The following XIRP2 variants were observed in gnomAD, a reference collection of about 807,000 sequenced individuals.
The protein encoded by XIRP2 is xin actin-binding repeat-containing protein 2.
Under a neutral mutation model 277.0 loss-of-function variants are expected in XIRP2, and 236 were observed. That is an observed-to-expected ratio of 0.85 (90% CI 0.77 to 0.95). The LOEUF (loss-of-function observed/expected upper bound fraction) is 0.95, where lower values mean the gene tolerates loss of function less well. Among genes scored for constraint, XIRP2 ranks in the 40% least tolerant of loss-of-function variants. The pLI is 0.00. For synonymous variants in XIRP2, 1,490 were observed against 1,416.5 expected (o/e 1.05, Z -1.17); for missense variants, 4,640 against 4,157.5 (o/e 1.12, Z -3.19).
At chr2:167,234,326 T>C (rs1694841267) in intron 5 of XIRP2, among the ~76,000 whole-genome samples, 1 of 151,278 alleles carries the variant, frequency 6.6e-6, no homozygotes. Context: ...ATTCATGCTT[T>C]GGTATATATT....
chr2:166,911,246 C>T (rs541557908), intron 2 of XIRP2, among the ~76,000 whole-genome samples: 1 of 152,132 alleles, frequency 6.6e-6, no homozygotes, highest in South Asian at 2.1e-4. Context: ...GTGTGGGAGT[C>T]TAAGTCTCTT....
chr2:167,183,674 A>G (rs763195500), intron 3 of XIRP2, among the ~76,000 whole-genome samples: 4 of 151,834 alleles, frequency 2.6e-5, no homozygotes, highest in Admixed American at 2.6e-4. Context: ...ATTTTCTTAA[A>G]TATATCAATT....
chr2:167,044,175 C>T (rs887986657), intron 2 of XIRP2, among the ~76,000 whole-genome samples: 18 of 152,058 alleles, frequency 1.2e-4, no homozygotes, highest in Admixed American at 7.9e-4. Flanking sequence ...AGCAAAACCA[C>T]ATGATCATCT....
intron 2 of XIRP2, among the ~76,000 whole-genome samples, chr2:167,003,419 AAAG>A (rs1156571623): frequency 6.6e-6 from 1 of 151,916 alleles, no homozygotes; most frequent in Non-Finnish European, 1.5e-5. Flanking sequence ...AGAAACCTTC[AAAG>A]AAGAGAAGAT....
chr2:167,020,115 A>T (rs1345351164), intron 2 of XIRP2, among the ~76,000 whole-genome samples: 1 of 152,056 alleles, frequency 6.6e-6, no homozygotes, highest in Non-Finnish European at 1.5e-5. Context: ...CATTTGTTTC[A>T]ATCCAAATAT....
chr2:167,003,043 A>G lies in XIRP2; in HGVS notation c.408+99153A>G, dbSNP rs1687412804. 2.0e-5 allele frequency among the ~76,000 whole-genome samples: 3 copies of G among 151,794 alleles called. No homozygotes were observed. In the South Asian group the frequency reaches 6.2e-4, roughly 31 times the overall value. Reference sequence around the variant, plus strand: ...TCTCTTATTGAACAATTTATAAAATACACAGGTTTGAAGTAGAAATACCAA... The same window carrying G: ...TCTCTTATTGAACAATTTATAAAATGCACAGGTTTGAAGTAGAAATACCAA... On this transcript the variant is annotated intron_variant, in intron 2 of 10. Transcript: ENST00000409195.
At chr2:167,145,260 A>G (rs947977830) in intron 3 of XIRP2, among the ~76,000 whole-genome samples, 2 of 152,110 alleles carry the variant, frequency 1.3e-5, no homozygotes, top group African/African-American at 4.8e-5. Context: ...GTAAATTCCC[A>G]TCTTTTTGTA....
intron 2 of XIRP2, among the ~76,000 whole-genome samples, chr2:167,024,064 G>T (rs1240029516): frequency 6.6e-6 from 1 of 152,022 alleles, no homozygotes; most frequent in Non-Finnish European, 1.5e-5. Flanking sequence ...CCATTTTCAT[G>T]ATATTGATTC....
intron 2 of XIRP2, among the ~76,000 whole-genome samples, chr2:166,988,149 C>T (rs529822618): frequency 1.3e-5 from 2 of 152,278 alleles, no homozygotes; most frequent in Admixed American, 1.3e-4. Flanking sequence ...AGTAATAAGA[C>T]ATGTGGATAT....
rs569619030 is a variant in XIRP2, at chr2:167,083,161, T to C, written c.409-52748T>C. ...GGATCCAGTTTCAGCTTTCTACATA[T>C]GGCTAGCCAGTTTTCCCAGCACCAT... On this transcript the variant is annotated intron_variant, in intron 2 of 10. Transcript: ENST00000409195. 7.9e-3 allele frequency among the ~76,000 whole-genome samples: 1,208 copies of C among 152,282 alleles called. 3 individuals carry two copies. The highest frequency in any genetic ancestry group is 0.011 in the African/African-American group (463 of 41,554).
At chr2:167,011,229 A>T (rs962603890) in intron 2 of XIRP2, among the ~76,000 whole-genome samples, 9 of 151,362 alleles carry the variant, frequency 5.9e-5, no homozygotes, top group Non-Finnish European at 8.8e-5. Context: ...AGCTCTTATT[A>T]TTTTGAGATA....
chr2:167,142,933 G>A (rs6432979), intron 3 of XIRP2, among the ~76,000 whole-genome samples: 51,003 of 151,666 alleles, frequency 0.34, 11,069 homozygotes, highest in African/African-American at 0.62. Flanking sequence ...AGGAAAGGAA[G>A]GAGGAAGGGA....
chr2:166,939,396 C>G (rs1214755794), intron 2 of XIRP2, among the ~76,000 whole-genome samples: 1 of 151,914 alleles, frequency 6.6e-6, no homozygotes, highest in African/African-American at 2.4e-5. Flanking sequence ...AAATTCTTTT[C>G]TTGGGCTGGG....
chr2:166,944,422 T>A (rs1685799617), intron 2 of XIRP2, among the ~76,000 whole-genome samples: 1 of 152,236 alleles, frequency 6.6e-6, no homozygotes. Flanking sequence ...TAGCCAGTGA[T>A]AACAGCTGCC....
intron 3 of XIRP2, among the ~76,000 whole-genome samples, chr2:167,142,541 C>T (rs1691750344): frequency 6.6e-6 from 1 of 150,782 alleles, no homozygotes; most frequent in Non-Finnish European, 1.5e-5. Flanking sequence ...AGCAAGGCTC[C>T]ATCACAAAAA....
At chr2:167,233,710 A>AT (rs921534978) in intron 5 of XIRP2, among the ~76,000 whole-genome samples, 1 of 151,138 alleles carries the variant, frequency 6.6e-6, no homozygotes, top group Non-Finnish European at 1.5e-5. Flanking sequence ...AGAATATTTT[A>AT]TTTTTTTTGT....
At chr2:167,088,856 C>T (rs558480853) in intron 2 of XIRP2, among the ~76,000 whole-genome samples, 1 of 152,070 alleles carries the variant, frequency 6.6e-6, no homozygotes, top group Non-Finnish European at 1.5e-5. Context: ...TCACTATGCC[C>T]CAAGATAGAT....
At chr2:167,041,741 A>G (rs1207468327) in intron 2 of XIRP2, among the ~76,000 whole-genome samples, 3 of 152,140 alleles carry the variant, frequency 2.0e-5, no homozygotes, top group Admixed American at 1.3e-4. Context: ...AGAGAGAGAG[A>G]GGGCACGTGT....
chr2:167,149,853 T>A (rs914897127), intron 3 of XIRP2, among the ~76,000 whole-genome samples: 1 of 151,938 alleles, frequency 6.6e-6, no homozygotes, highest in Admixed American at 6.6e-5. Context: ...AAATAAAATA[T>A]TTGCAGTGCA....
Sources: gnomAD v4.1 joint callset for allele counts (sites outside exome capture counted in the v4.1 genomes callset) on GRCh38, gnomAD v4.1.1 for gene constraint, MANE v1.5 for transcripts, NCBI Gene and HGNC (gene_info 2026-07-23, HGNC 2026-07-21) for gene names.